RHCG: variants seen among roughly 807,000 people sequenced by gnomAD.
RHCG encodes ammonium transporter Rh type C.
In RHCG, 39 loss-of-function variants were observed where a neutral mutation model predicts 55.3. The ratio of observed to expected loss-of-function variants is 0.70; its 90% CI spans 0.55 to 0.92. The LOEUF (loss-of-function observed/expected upper bound fraction) is 0.92. RHCG is among the 40% of genes least tolerant of loss of function. The pLI, the probability that RHCG is intolerant of heterozygous loss-of-function variation, is 0.00. For missense variants in RHCG, 635 were observed against 627.9 expected, an observed-to-expected ratio of 1.01 and a Z score of -0.12; for synonymous variants, 250 against 246.8, an observed-to-expected ratio of 1.01 and a Z score of -0.12.
intron 1 of RHCG, among the ~76,000 whole-genome samples, chr15:89,487,461 GA>G (rs1961396754): frequency 6.6e-6 from 1 of 152,200 alleles, no homozygotes; most frequent in South Asian, 2.1e-4. Flanking sequence ...CTGAGGCTAT[GA>G]TGCCCTGCCC....
Position 89,477,539 on chromosome 15 carries a change from G to A in RHCG, c.1090C>T (p.Leu364Phe), listed in dbSNP as rs1421151731. 1 of 1,614,028 alleles carries A rather than the reference G, an allele frequency of 6.2e-7. No individual in the cohort carries two copies. The highest frequency in any genetic ancestry group is 2.2e-5 in the East Asian group (1 of 44,864). Residue 364 changes from leucine to phenylalanine, a missense_variant, in exon 7 of 11, where the codon CTT becomes TTT. Physicochemically the swap from Leu to Phe is conservative, Grantham distance 22. Transcript: ENST00000268122. This position sits in a 1 kb window ranked among gnomAD's most constrained non-coding sequence, Gnocchi z 4.5. ...VGAVTAASAS[L>F]EVYGKEGLVH... ...TACCCTTCTTTTCCATAGACTTCAA[G>A]GCTGGCGGAGGCCGCTGTCACAGCA...
rs769170502 is a variant in RHCG, at chr15:89,486,875, C to G, written c.295G>C (p.Gly99Arg). The G allele has an allele frequency of 6.2e-7, 1 of 1,612,652 alleles. No homozygotes were observed. Among genetic ancestry groups the G allele is most frequent in the South Asian group, 1.1e-5 (1 of 91,004 alleles). The change falls in exon 2 of 11, where the codon GGC (glycine) becomes CGC (arginine). Residue 99 changes from glycine to arginine, a missense_variant. Gly to Arg is a moderately radical substitution (Grantham distance 125). Transcript: ENST00000268122. ...TGCATGAGCAGCGCCCACTGGATGC[C>G]GAAGGCTGCCAACAGGAAGTTGAAG... ...VGFNFLLAAFGIQWALLMQGW... is the reference protein window; with the variant it reads ...VGFNFLLAAFRIQWALLMQGW...
At position 89,477,092 on chromosome 15, in the gene RHCG, G is replaced by C. The variant is rs151301203; in HGVS notation, c.1227C>G (p.Gly409=). 25 of 1,613,942 alleles carry C rather than the reference G, an allele frequency of 1.5e-5. No homozygotes were observed. Among genetic ancestry groups the C allele is most frequent in the Non-Finnish European group, 1.9e-5 (22 of 1,180,026 alleles). ...LVTLAMALMG[G]IIVGLILRLP... ...GCCATTCCTGCTCACCCACAATGAT[G>C]CCACCCATCAGGGCCATGGCCAGGG... is the stretch of plus-strand genomic sequence containing the variant. The change falls in exon 8 of 11, where the codon GGC becomes GGG. Residue 409 remains glycine, a synonymous_variant. Coordinates refer to ENST00000268122, the MANE Select transcript of RHCG (RefSeq NM_016321.3). The surrounding 1 kb of genome is among the most constrained non-coding windows in gnomAD (Gnocchi z 4.5).
chr15:89,481,948 T>C (rs1285498427), intron 3 of RHCG, among the ~76,000 whole-genome samples: 2 of 152,192 alleles, frequency 1.3e-5, no homozygotes, highest in Non-Finnish European at 2.9e-5. Context: ...ATTACAGGCA[T>C]GCGCCACTAC....
chr15:89,488,382 T>C (rs1192013557), intron 1 of RHCG, among the ~76,000 whole-genome samples: 3 of 152,198 alleles, frequency 2.0e-5, no homozygotes, highest in Non-Finnish European at 4.4e-5. Flanking sequence ...AAATTTTGAG[T>C]ATGCACAGGA....
At chr15:89,474,686 C>G (rs1324344111) in intron 9 of RHCG, among the ~76,000 whole-genome samples, 1 of 152,244 alleles carries the variant, frequency 6.6e-6, no homozygotes, top group African/African-American at 2.4e-5. Flanking sequence ...GGGTGGGATG[C>G]TGCAGAACTC....
intron 1 of RHCG, among the ~76,000 whole-genome samples, chr15:89,492,750 T>A (rs553520239): frequency 1.8e-4 from 27 of 152,302 alleles, no homozygotes; most frequent in African/African-American, 6.5e-4. Flanking sequence ...ACAAAAGAAT[T>A]TAAATGCTAT....
chr15:89,472,048 G>C (rs1484093558), intron 10 of RHCG, among the ~76,000 whole-genome samples, 193 bp from the exon 11 acceptor site: 1 of 152,150 alleles, frequency 6.6e-6, no homozygotes, highest in Non-Finnish European at 1.5e-5. Flanking sequence ...CCAAGCTCTG[G>C]CCTCCAAGGA....
rs1471626663 is a variant in RHCG at position 89,486,824 on chromosome 15, G to A, written c.346C>T (p.Arg116Cys). The A allele has an allele frequency of 6.3e-7, 1 of 1,598,404 alleles. No homozygotes were observed. Among genetic ancestry groups the A allele is most frequent in the Non-Finnish European group, 8.6e-7 (1 of 1,168,546 alleles). ...MQGWFHFLQD[R>C]YIVVGVENLI... ...TTCTCCACGCCCACGACGATGTAGC[G>A]GTCTTGTAAGAAGTGGAACCAGCCC... The change falls in exon 2 of 11, where the codon CGC becomes TGC. Residue 116 changes from arginine to cysteine, a missense_variant. Physicochemically the swap from Arg to Cys is radical, Grantham distance 180 (BLOSUM62 -3). Transcript: ENST00000268122.
chr15:89,483,533 A>C (rs1246842272), intron 2 of RHCG, among the ~76,000 whole-genome samples: 2 of 152,010 alleles, frequency 1.3e-5, no homozygotes, highest in Non-Finnish European at 2.9e-5. Context: ...CATGCCCCAT[A>C]TTTGGGGTCC....
Position 89,477,147 on chromosome 15 carries a change from C to T in RHCG, c.1172G>A (p.Gly391Glu). The T allele has an allele frequency of 1.2e-6, 2 of 1,614,102 alleles. No homozygotes were observed. The highest frequency in any genetic ancestry group is 8.5e-7 in the Non-Finnish European group (1 of 1,180,020). Residue 391 changes from glycine (G) to glutamate (E), a missense_variant, in exon 8 of 11, where the codon GGA (glycine) becomes GAA (glutamate). By Grantham distance (98) the Gly-to-Glu change is moderately conservative (BLOSUM62 -2). Transcript: ENST00000268122. This position sits in a 1 kb window ranked among gnomAD's most constrained non-coding sequence, Gnocchi z 4.5. ...CAAGAGACCATAAATCTGGAACTTTCCCTGTGTTCTTGCGGTCCAGTCCCC... is the reference window on the plus strand; with the variant it reads ...CAAGAGACCATAAATCTGGAACTTTTCCTGTGTTCTTGCGGTCCAGTCCCC... ...FNGDWTARTQGKFQIYGLLVT... is the reference protein window; with the variant it reads ...FNGDWTARTQEKFQIYGLLVT...
At chr15:89,478,952 T>C (rs1389160785) in intron 5 of RHCG, among the ~76,000 whole-genome samples, 3 of 151,962 alleles carry the variant, frequency 2.0e-5, no homozygotes. Context: ...TTAGCTAACT[T>C]AGCTGGGCGT....
At chr15:89,476,849 C>T (rs766849060) in intron 8 of RHCG, 21 bp from the exon 9 acceptor site, 1 of 1,605,366 alleles carries the variant, frequency 6.2e-7, no homozygotes, top group South Asian at 1.1e-5. Flanking sequence ...TTGGAGATTA[C>T]AGGATGTCAG....
rs372771518 is a variant in RHCG at position 89,477,951 on chromosome 15, G to T, written c.861C>A (p.Leu287=). 1.9e-6 allele frequency: 3 copies of T among 1,609,908 alleles called. No individual in the cohort carries two copies. The African/African-American group carries it at 4.0e-5, about 22-fold the overall frequency. The part of the protein sequence containing the change: ...LDMVHIQNAT[L]AGGVAVGTAA... ...CGGTACCCACGGCCACCCCTCCTGC[G>T]AGCGTGGCATTCTGGATGTGCACCT... Residue 287 remains leucine, a synonymous_variant, in exon 6 of 11, where the codon CTC becomes CTA. Transcript: ENST00000268122. The surrounding 1 kb of genome is among the most constrained non-coding windows in gnomAD (Gnocchi z 4.5).
chr15:89,483,031 C>T (rs1362627224), intron 3 of RHCG, 36 bp downstream of exon 3: 2 of 1,525,034 alleles, frequency 1.3e-6, no homozygotes, highest in Non-Finnish European at 1.8e-6. Flanking sequence ...CCCAAAGCAC[C>T]CCCACCACCT....
chr15:89,487,125 T>G, intron 1 of RHCG, 140 bp from the exon 2 acceptor site: 120 of 649,664 alleles, frequency 1.8e-4, no homozygotes, highest in Middle Eastern at 4.8e-4. Context: ...CCTAACCCGG[T>G]TCCCCCACCC....
At position 89,477,853 on chromosome 15, in the gene RHCG, C is replaced by G. The variant is rs1197258576; in HGVS notation, c.959G>C (p.Gly320Ala). 1 of 1,614,104 alleles carries G rather than the reference C, an allele frequency of 6.2e-7. No individual in the cohort carries two copies. Among genetic ancestry groups the G allele is most frequent in the Admixed American group, 1.7e-5 (1 of 60,014 alleles). The change falls in exon 6 of 11, where the codon GGT becomes GCT. Residue 320 changes from glycine (G) to alanine (A), a missense_variant. Gly to Ala is a moderately conservative substitution (Grantham distance 60). Transcript: ENST00000268122. The surrounding 1 kb of genome is among the most constrained non-coding windows in gnomAD (Gnocchi z 4.5). ...GFVCGIISTL[G>A]FVYLTPFLES... ...GGCACTTACGGTCAGGTATACAAAACCCAGGGTGGAGATGATGCCGCAGAC... is the reference window on the plus strand; with the variant it reads ...GGCACTTACGGTCAGGTATACAAAAGCCAGGGTGGAGATGATGCCGCAGAC...
chr15:89,484,895 G>A (rs1961331617), intron 2 of RHCG, among the ~76,000 whole-genome samples: 1 of 152,136 alleles, frequency 6.6e-6, no homozygotes, highest in South Asian at 2.1e-4. Context: ...AGGAAGCTTG[G>A]GCAGGGCCTG....
At chr15:89,473,362 G>T (rs895993070) in intron 9 of RHCG, among the ~76,000 whole-genome samples, 3 of 152,110 alleles carry the variant, frequency 2.0e-5, no homozygotes, top group African/African-American at 7.2e-5. Context: ...AGGCAGGGCA[G>T]GTCAGCCCTG....
Sources: allele counts gnomAD v4.1 joint callset (sites outside exome capture counted in the v4.1 genomes callset), GRCh38; gene constraint gnomAD v4.1.1; non-coding constraint Gnocchi (gnomAD v3.1); transcripts MANE v1.5; gene names NCBI Gene and HGNC (gene_info 2026-07-23, HGNC 2026-07-21).